POLN: variants seen among roughly 807,000 people sequenced by gnomAD.
The protein encoded by POLN is DNA polymerase nu.
A neutral mutation model predicts 113.5 loss-of-function variants in POLN; 108 were observed. The ratio of observed to expected loss-of-function variants is 0.95; its 90% CI spans 0.81 to 1.12. POLN has a LOEUF of 1.12. Among genes scored for constraint, POLN ranks in the 50% most tolerant of loss-of-function variants. The pLI, the probability that POLN is intolerant of heterozygous loss-of-function variation, is 0.00. For synonymous variants in POLN, 386 were observed against 391.5 expected (o/e 0.99, Z 0.17); for missense variants, 1,097 against 1,077.1 (o/e 1.02, Z -0.26).
intron 2 of POLN, chr4:2,240,159 G>C (rs1449589121): frequency 6.2e-7 from 1 of 1,613,834 alleles, no homozygotes; most frequent in Non-Finnish European, 8.5e-7. Flanking sequence ...CTGCAGTCTA[G>C]CCATCTCTAG....
chr4:2,084,051 C>A (rs1271901253), intron 21 of POLN, among the ~76,000 whole-genome samples: 3 of 152,202 alleles, frequency 2.0e-5, no homozygotes, highest in Non-Finnish European at 4.4e-5. Flanking sequence ...TCTGAGATCC[C>A]AGCTGGCTCC....
chr4:2,198,795 G>A, intron 5 of POLN, 78 bp from the exon 6 acceptor site: 1 of 1,341,040 alleles, frequency 7.5e-7, no homozygotes, highest in Non-Finnish European at 1.0e-6. Context: ...AAATTAAGCA[G>A]AGAGAAAGAG....
intron 2 of POLN, among the ~76,000 whole-genome samples, chr4:2,235,033 C>G (rs542583041): frequency 3.3e-5 from 5 of 152,218 alleles, no homozygotes; most frequent in African/African-American, 1.2e-4. Flanking sequence ...TTACAGTCAC[C>G]CGCCACCACG....
rs1208627471 is a variant in POLN, at chr4:2,236,168, TA to T, written c.-13+5351del. On this transcript the variant is annotated intron_variant, in intron 2 of 25. Transcript: ENST00000511885. ...TTCCTCATGTTAACATTTTCTTTAATATCTTTTACAACAAGCATTTTTTTAA... is the reference window on the plus strand; with the variant it reads ...TTCCTCATGTTAACATTTTCTTTAATTCTTTTACAACAAGCATTTTTTTAA... 1.2e-5 allele frequency: 12 copies of T among 976,942 alleles called. No homozygotes were observed. The East Asian group carries it at 2.5e-4, about 20-fold the overall frequency. The allele number at this position is 976,942 out of a possible 1,614,324, so 60.5% of individuals were successfully genotyped here.
At chr4:2,156,033 C>T (rs1014504340) in intron 16 of POLN, among the ~76,000 whole-genome samples, 1 of 152,120 alleles carries the variant, frequency 6.6e-6, no homozygotes, top group African/African-American at 2.4e-5. Context: ...CGGGGTTTCA[C>T]CATATTGGCC....
intron 17 of POLN, 71 bp downstream of exon 17, chr4:2,131,162 G>A (rs1251045964): frequency 4.5e-6 from 5 of 1,121,674 alleles, no homozygotes; most frequent in Non-Finnish European, 6.6e-6. Flanking sequence ...TCTAGCCTGG[G>A]TGACAGAGTG....
intron 16 of POLN, among the ~76,000 whole-genome samples, chr4:2,152,306 A>G (rs972899737): frequency 9.3e-5 from 14 of 150,576 alleles, no homozygotes; most frequent in African/African-American, 3.2e-4. Context: ...CCAAAGTGCT[A>G]GGATTACAGA....
At chr4:2,078,804 G>T (rs1035378689) in intron 23 of POLN, 1 of 985,390 alleles carries the variant, frequency 1.0e-6, no homozygotes, top group Admixed American at 6.1e-5. Flanking sequence ...TGACCAGCGA[G>T]TAACTGCGTT....
Position 2,126,924 on chromosome 4 carries a change from G to A in POLN, c.1982+1189C>T, listed in dbSNP as rs1021631362. On this transcript the variant is annotated intron_variant, in intron 19 of 25. Coordinates refer to ENST00000511885, the MANE Select transcript of POLN (RefSeq NM_181808.4). This position sits in a 1 kb window ranked among gnomAD's most constrained non-coding sequence, Gnocchi z 4.6. ...CCCCGCCTTCAGCAAAGACAGAGGC[G>A]GAGACAGCGCATGGGGAGGGGAGTG... 4.6e-5 allele frequency among the ~76,000 whole-genome samples: 7 copies of A among 152,242 alleles called. No individual in the cohort carries two copies. In the South Asian group the frequency reaches 6.2e-4, roughly 14 times the overall value.
In POLN at chr4:2,181,067, C is replaced by T. The variant is rs1733127863; in HGVS notation, c.1022-1602G>A. The stretch of plus-strand genomic sequence containing the variant: ...ATAAAAACTAAACTGGCGCAAGACA[C>T]AAAAGCAAATAAACATAATAGCTAA... On this transcript the variant is annotated intron_variant, in intron 7 of 25. Transcript: ENST00000511885. Among the ~76,000 whole-genome samples, 4 of 151,116 alleles carry T rather than the reference C, an allele frequency of 2.6e-5. No homozygotes were observed. In the South Asian group the frequency reaches 8.4e-4, roughly 32 times the overall value.
At chr4:2,171,486 G>A (rs901578102) in intron 11 of POLN, among the ~76,000 whole-genome samples, 8 of 151,496 alleles carry the variant, frequency 5.3e-5, no homozygotes, top group South Asian at 2.1e-4. Context: ...GTATGAACCC[G>A]AGGGTTCAAG....
chr4:2,092,562 A>G (rs958436747), intron 20 of POLN, among the ~76,000 whole-genome samples: 2 of 152,160 alleles, frequency 1.3e-5, no homozygotes, highest in Non-Finnish European at 2.9e-5. Flanking sequence ...GCGGGGACTG[A>G]GCACACAGAC....
chr4:2,162,933 C>A (rs1316695081), intron 13 of POLN, among the ~76,000 whole-genome samples: 2 of 147,940 alleles, frequency 1.4e-5, no homozygotes, highest in African/African-American at 5.1e-5. Flanking sequence ...AGACTATGTC[C>A]TTAAATAGTG....
At chr4:2,193,079 T>A in intron 7 of POLN, 125 bp downstream of exon 7, 1 of 676,822 alleles carries the variant, frequency 1.5e-6, no homozygotes, top group Non-Finnish European at 2.5e-6. Context: ...TCAGGAGGCA[T>A]ATCAGTCTGT....
intron 5 of POLN, among the ~76,000 whole-genome samples, chr4:2,202,723 C>CAAAAAAAAAAAAAAA (rs34712930): frequency 5.4e-5 from 2 of 36,834 alleles, no homozygotes; most frequent in Admixed American, 3.1e-4. Flanking sequence ...GACTCTGTCT[C>CAAAAAAAAAAAAAAA]AAAAAAAAAA....
chr4:2,115,230 T>TATATATATATA (rs1386479317), intron 19 of POLN, among the ~76,000 whole-genome samples: 3 of 114,358 alleles, frequency 2.6e-5, no homozygotes, highest in African/African-American at 1.1e-4. Context: ...ATATATATAT[T>TATATATATATA]TTTTTTTTTG....
chr4:2,118,354 T>C (rs1561007234), intron 19 of POLN, among the ~76,000 whole-genome samples: 2 of 152,168 alleles, frequency 1.3e-5, no homozygotes, highest in Non-Finnish European at 2.9e-5. Context: ...ATGAGAATCA[T>C]CGATATATTT....
At chr4:2,240,616 T>C (rs369446145) in intron 2 of POLN, 1 of 1,613,212 alleles carries the variant, frequency 6.2e-7, no homozygotes, top group African/African-American at 1.3e-5. Context: ...TTCTTTAATT[T>C]CAGTAGAGTT....
At chr4:2,224,003 G>A (rs1051539546) in intron 3 of POLN, among the ~76,000 whole-genome samples, 3 of 151,910 alleles carry the variant, frequency 2.0e-5, no homozygotes, top group African/African-American at 4.8e-5. Context: ...GTACTTTAAC[G>A]TTTTTTACTT....
Sources: gnomAD v4.1 joint callset for allele counts (sites outside exome capture counted in the v4.1 genomes callset) on GRCh38, gnomAD v4.1.1 for gene constraint, Gnocchi (gnomAD v3.1) non-coding constraint, MANE v1.5 for transcripts, NCBI Gene and HGNC (gene_info 2026-07-23, HGNC 2026-07-21) for gene names.